Variants in PALS1 observed in about 807,000 individuals in gnomAD.
PALS1 encodes the protein protein associated with LIN7 1, MAGUK p55 family member, also known as protein PALS1.
PALS1 carries 31 observed loss-of-function variants against 78.9 expected under a neutral mutation model. The observed-to-expected ratio is 0.39, with a 90% CI of 0.30 to 0.53. PALS1 has a LOEUF of 0.53. Ranked by LOEUF, PALS1 falls within the 20% of genes least tolerant of loss-of-function variation. The pLI, the probability that PALS1 is intolerant of heterozygous loss-of-function variation, is 0.67. For synonymous variants in PALS1, 276 were observed against 270.9 expected (o/e 1.02, Z -0.18); for missense variants, 704 against 826.5 (o/e 0.85, Z 1.82).
At chr14:67,321,895 C>A (rs1034657920) in intron 13 of PALS1, among the ~76,000 whole-genome samples, 1 of 152,028 alleles carries the variant, frequency 6.6e-6, no homozygotes, top group South Asian at 2.1e-4. Flanking sequence ...AATAATTTCC[C>A]TTTTCTGATT....
chr14:67,281,880 A>G (rs2084612997), intron 3 of PALS1, among the ~76,000 whole-genome samples: 1 of 151,862 alleles, frequency 6.6e-6, no homozygotes, highest in African/African-American at 2.4e-5. Context: ...AATTCAGATT[A>G]AAGGATACCT....
intron 3 of PALS1, among the ~76,000 whole-genome samples, chr14:67,284,562 A>C (rs28538219): frequency 4.9e-4 from 51 of 103,624 alleles, no homozygotes; most frequent in South Asian, 3.1e-3. Context: ...AAAAAAAAAA[A>C]AAAAAAAAAA....
chr14:67,254,529 C>T (rs1317053347), intron 1 of PALS1, among the ~76,000 whole-genome samples: 1 of 152,200 alleles, frequency 6.6e-6, no homozygotes, highest in African/African-American at 2.4e-5. Context: ...TTTGTATTCT[C>T]ATTAGCCTTC....
At chr14:67,285,405 C>T (rs1458629799) in intron 3 of PALS1, among the ~76,000 whole-genome samples, 5 of 140,610 alleles carry the variant, frequency 3.6e-5, no homozygotes, top group African/African-American at 1.4e-4. Flanking sequence ...CTCGCTCTGT[C>T]GCCCAGGCTG....
At chr14:67,280,211 G>T (rs913193207) in intron 3 of PALS1, among the ~76,000 whole-genome samples, 1 of 152,188 alleles carries the variant, frequency 6.6e-6, no homozygotes, top group African/African-American at 2.4e-5. Context: ...ATCTACAAGA[G>T]AGATTGATAT....
chr14:67,259,881 A>G (rs1273562413), intron 1 of PALS1, among the ~76,000 whole-genome samples: 1 of 70,988 alleles, frequency 1.4e-5, no homozygotes, highest in Non-Finnish European at 2.3e-5. Flanking sequence ...TCCATCTAAG[A>G]AAAAAAAAAA....
intron 3 of PALS1, among the ~76,000 whole-genome samples, chr14:67,288,456 A>G (rs1268577685): frequency 6.6e-6 from 1 of 152,114 alleles, no homozygotes; most frequent in African/African-American, 2.4e-5. Flanking sequence ...CTTTGGGTGG[A>G]CGAGGCAGGA....
intron 3 of PALS1, among the ~76,000 whole-genome samples, chr14:67,281,062 C>T (rs1256131889): frequency 6.6e-6 from 1 of 151,778 alleles, no homozygotes; most frequent in African/African-American, 2.4e-5. Context: ...CCACACCTGG[C>T]TAATTTTTGT....
rs2085476417 is a variant in PALS1 at position 67,333,151 on chromosome 14, A to G, written c.*195A>G. 4.3e-6 allele frequency: 2 copies of G among 466,414 alleles called. No individual in the cohort carries two copies. Among genetic ancestry groups the G allele is most frequent in the African/African-American group, 2.0e-5 (1 of 50,168 alleles). 28.9% of individuals were successfully genotyped at this position (466,414 alleles called of 1,614,324 possible). ...TTGTGCATGGCATCCTTTATTCTCT[A>G]TACATGGCTTTAGCGGTTCTTGCCT... is the stretch of plus-strand genomic sequence containing the variant. On this transcript the variant is annotated 3_prime_UTR_variant, in exon 15 of 15. Transcript: ENST00000261681.
chr14:67,323,616 A>ATATATATATATTAGAT (rs1491245829), intron 13 of PALS1, 86 bp from the exon 14 acceptor site: 6,639 of 133,078 alleles, frequency 0.05, 98 homozygotes, highest in Middle Eastern at 0.078. Context: ...CCTTAATCTA[A>ATATATATATATTAGAT]TATATATATA....
intron 1 of PALS1, among the ~76,000 whole-genome samples, chr14:67,255,172 T>A (rs904962131): frequency 6.6e-6 from 1 of 151,772 alleles, no homozygotes; most frequent in Non-Finnish European, 1.5e-5. Flanking sequence ...AGTTCGAATC[T>A]CTTATAATGC....
rs190689602 is a variant in PALS1, at chr14:67,280,983, C to T, written c.367+1446C>T. ...GCAATCTTCGGCTCACAGCAATCTC[C>T]GCCTTCCCAGGTTCAAGTGATTCTC... On this transcript the variant is annotated intron_variant, in intron 3 of 14. Coordinates refer to ENST00000261681, the MANE Select transcript of PALS1 (RefSeq NM_022474.4). Among the ~76,000 whole-genome samples the T allele has an allele frequency of 1.3e-3, 201 of 151,564 alleles. 2 individuals are homozygous for T. The highest frequency in any genetic ancestry group is 3.7e-3 in the Admixed American group (57 of 15,216).
At chr14:67,289,980 G>A (rs931393673) in intron 3 of PALS1, among the ~76,000 whole-genome samples, 5 of 151,890 alleles carry the variant, frequency 3.3e-5, no homozygotes, top group Admixed American at 6.6e-5. Flanking sequence ...CACCGTGTTC[G>A]CCAGGATGGT....
chr14:67,294,091 C>G (rs553173723), intron 4 of PALS1, among the ~76,000 whole-genome samples: 10 of 152,092 alleles, frequency 6.6e-5, no homozygotes, highest in Non-Finnish European at 1.5e-4. Context: ...TAAAAAAGAT[C>G]AATTTTGAAT....
intron 14 of PALS1, among the ~76,000 whole-genome samples, chr14:67,326,119 C>CT (rs2085352268): frequency 6.6e-6 from 1 of 150,650 alleles, no homozygotes; most frequent in Non-Finnish European, 1.5e-5. Flanking sequence ...GCCACCGTGC[C>CT]CGGCCAGCAT....
intron 4 of PALS1, 36 bp downstream of exon 4, chr14:67,292,755 G>A (rs1362373558): frequency 3.3e-6 from 5 of 1,495,628 alleles, no homozygotes; most frequent in Admixed American, 3.5e-5. Flanking sequence ...TGTCTACAAG[G>A]TAATTAGTAG....
chr14:67,258,412 T>C (rs2084179758), intron 1 of PALS1, among the ~76,000 whole-genome samples: 2 of 152,150 alleles, frequency 1.3e-5, no homozygotes, highest in South Asian at 2.1e-4. Context: ...GGTGGGTGCC[T>C]GTAGTCCCAG....
At chr14:67,273,589 G>A (rs2084450150) in intron 2 of PALS1, among the ~76,000 whole-genome samples, 1 of 152,188 alleles carries the variant, frequency 6.6e-6, no homozygotes, top group African/African-American at 2.4e-5. Context: ...ACATATGTGT[G>A]CATGTGTCTT....
chr14:67,286,636 G>C lies in PALS1; in HGVS notation c.368-5875G>C, dbSNP rs553090060. ...TTTGGGAGGCCGAGGTGGGTGGATC[G>C]CTTGAGCTCAGGAGTTGCAGATCAG... On this transcript the variant is annotated intron_variant, in intron 3 of 14. Coordinates refer to ENST00000261681, the MANE Select transcript of PALS1 (RefSeq NM_022474.4). 2.1e-5 allele frequency among the ~76,000 whole-genome samples: 3 copies of C among 145,888 alleles called. No individual in the cohort carries two copies. In the East Asian group the frequency reaches 6.3e-4, roughly 31 times the overall value.
Sources: allele counts gnomAD v4.1 joint callset (sites outside exome capture counted in the v4.1 genomes callset), GRCh38; gene constraint gnomAD v4.1.1; transcripts MANE v1.5; gene names NCBI Gene and HGNC (gene_info 2026-07-23, HGNC 2026-07-21).